PRDM14: variants seen among roughly 807,000 people sequenced by gnomAD.
The protein encoded by PRDM14 is PR/SET domain 14.
Under a neutral mutation model 48.0 loss-of-function variants are expected in PRDM14, and 16 were observed. The observed-to-expected ratio is 0.33, with a 90% CI of 0.23 to 0.51. PRDM14 has a LOEUF of 0.51. Ranked by LOEUF, PRDM14 falls within the 20% of genes least tolerant of loss-of-function variation. The pLI is 0.97. For missense variants in PRDM14, 566 were observed against 719.6 expected (o/e 0.79, Z 2.44); for synonymous variants, 264 against 276.6 (o/e 0.95, Z 0.45).
chr8:70,068,100 A>T, intron 4 of PRDM14, 130 bp downstream of exon 4: 1 of 1,027,764 alleles, frequency 9.7e-7, no homozygotes, highest in Non-Finnish European at 1.5e-6. Context: ...AGGCAACACA[A>T]ACCACAGATA....
chr8:70,058,120 G>A (rs1055773993), intron 6 of PRDM14, among the ~76,000 whole-genome samples: 3 of 152,186 alleles, frequency 2.0e-5, no homozygotes, highest in African/African-American at 4.8e-5. Flanking sequence ...CTGATTTTCT[G>A]TCTTACAAAA....
chr8:70,069,909 G>T, intron 1 of PRDM14, 25 bp from the exon 2 acceptor site: 1 of 1,433,170 alleles, frequency 7.0e-7, no homozygotes, highest in South Asian at 1.4e-5. Context: ...GCGCCGCTGA[G>T]GACACCGCGC....
chr8:70,055,811 T>G (rs1185012096), intron 6 of PRDM14, among the ~76,000 whole-genome samples: 1 of 152,162 alleles, frequency 6.6e-6, no homozygotes, highest in Non-Finnish European at 1.5e-5. Flanking sequence ...CTGAGAGAAC[T>G]CTTGCTTCAG....
chr8:70,064,669 G>A, intron 5 of PRDM14, among the ~76,000 whole-genome samples: 1 of 149,670 alleles, frequency 6.7e-6, no homozygotes, highest in East Asian at 2.0e-4. Context: ...GGACTACAGG[G>A]GCCCGCCACC....
Position 70,069,243 on chromosome 8 carries a change from C to A in PRDM14, c.618G>T (p.Leu206=), listed in dbSNP as rs752279150. 5.0e-6 allele frequency: 8 copies of A among 1,602,086 alleles called. No homozygotes were observed. The South Asian group carries it at 9.1e-5, about 18-fold the overall frequency. ...GCTCCAGGCTGGGAGTGACCCCGTA[C>A]AGAACGAAGTGCAGGTCCTCCTCCG... is the stretch of plus-strand genomic sequence containing the variant. ...QFTEEDLHFV[L]YGVTPSLEHP... is the part of the protein sequence containing the mutation. Residue 206 remains leucine (L), a synonymous_variant, in exon 2 of 8, where the codon CTG becomes CTT. Transcript: ENST00000276594.
At position 70,069,565 on chromosome 8, in the gene PRDM14, G is replaced by A. The variant is rs1474978083; in HGVS notation, c.296C>T (p.Pro99Leu). 6.2e-7 allele frequency: 1 copy of A among 1,607,376 alleles called. No individual in the cohort carries two copies. Among genetic ancestry groups the A allele is most frequent in the Non-Finnish European group, 8.5e-7 (1 of 1,177,036 alleles). The change falls in exon 2 of 8, where the codon CCA (proline) becomes CTA (leucine). Residue 99 changes from proline to leucine, a missense_variant. Physicochemically the swap from Pro to Leu is moderately conservative, Grantham distance 98 (BLOSUM62 -3). Around this residue, in one of 3 missense-constraint regions of PRDM14, gnomAD observed 410 missense variants for 424.6 expected, o/e 0.97. Coordinates refer to ENST00000276594, the MANE Select transcript of PRDM14 (RefSeq NM_024504.4). ...LYDLPWYSKL[P>L]PWYPIPHVPR... The stretch of plus-strand genomic sequence containing the variant: ...GACGTGGGGAATTGGGTACCACGGT[G>A]GCAGCTTGCTGTACCAGGGCAGATC...
chr8:70,058,046 G>A (rs1420132486), intron 6 of PRDM14, among the ~76,000 whole-genome samples: 1 of 152,166 alleles, frequency 6.6e-6, no homozygotes, highest in Non-Finnish European at 1.5e-5. Flanking sequence ...AGGGAATATT[G>A]TACTTTTTTG....
intron 5 of PRDM14, among the ~76,000 whole-genome samples, chr8:70,059,872 T>C (rs1805546518): frequency 6.6e-6 from 1 of 151,772 alleles, no homozygotes; most frequent in East Asian, 1.9e-4. Flanking sequence ...GGCAGGTGGA[T>C]CACCTGAGGT....
rs1805671603 is a variant in PRDM14, at chr8:70,066,520, A to G, written c.913-15T>C. ...TCTTCAAAGATCTAAATGAAATAAG[A>G]CATGAAGTTTGTATTGTACTTCTTT... On this transcript the variant is annotated splice_polypyrimidine_tract_variant and intron_variant, in intron 4 of 7. Coordinates refer to ENST00000276594, the MANE Select transcript of PRDM14 (RefSeq NM_024504.4). The G allele has an allele frequency of 6.2e-7, 1 of 1,603,096 alleles. No individual in the cohort carries two copies. The highest frequency in any genetic ancestry group is 1.1e-5 in the South Asian group (1 of 89,276).
rs2131045308 is a variant in PRDM14 at position 70,071,157 on chromosome 8, A to T, written c.-32T>A. 6.6e-6 allele frequency: 1 copy of T among 152,060 alleles called. No individual in the cohort carries two copies. The highest frequency in any genetic ancestry group is 1.5e-5 in the Non-Finnish European group (1 of 68,046). The allele number at this position is 152,060 out of a possible 1,614,324, so 9.4% of individuals were successfully genotyped here. ...GTCCTGTCCCGTGCCTACCTCCGAC[A>T]CCACCTCCAAGAGCGCCACCGCGGA... is the stretch of plus-strand genomic sequence containing the variant. On this transcript the variant is annotated 5_prime_UTR_variant, in exon 1 of 8. Coordinates refer to ENST00000276594, the MANE Select transcript of PRDM14 (RefSeq NM_024504.4). The surrounding 1 kb of genome is among the most constrained non-coding windows in gnomAD (Gnocchi z 5.2).
chr8:70,060,093 CA>C (rs58440571), intron 5 of PRDM14, among the ~76,000 whole-genome samples: 167 of 102,568 alleles, frequency 1.6e-3, no homozygotes, highest in Middle Eastern at 6.6e-3. Flanking sequence ...AACTCCATCT[CA>C]AAAAAAAAAA....
At chr8:70,057,020 CG>C (rs1805485646) in intron 6 of PRDM14, among the ~76,000 whole-genome samples, 1 of 149,508 alleles carries the variant, frequency 6.7e-6, no homozygotes, top group African/African-American at 2.5e-5. Context: ...GGCTGGAGTG[CG>C]GTGGCGCGAT....
At chr8:70,062,674 C>T (rs769789324) in intron 5 of PRDM14, among the ~76,000 whole-genome samples, 2 of 152,174 alleles carry the variant, frequency 1.3e-5, no homozygotes, top group Non-Finnish European at 2.9e-5. Context: ...CCATGTTTGT[C>T]ATGCTGTTCT....
chr8:70,065,140 C>T (rs1805646345), intron 5 of PRDM14, among the ~76,000 whole-genome samples: 1 of 152,104 alleles, frequency 6.6e-6, no homozygotes, highest in Non-Finnish European at 1.5e-5. Flanking sequence ...CCCATTTCGG[C>T]ATCCCAAAGT....
At position 70,058,683 on chromosome 8, in the gene PRDM14, C is replaced by T. The variant is rs1211840014; in HGVS notation, c.1343G>A (p.Arg448Gln). 7 of 1,613,910 alleles carry T rather than the reference C, an allele frequency of 4.3e-6. No individual in the cohort carries two copies. Among genetic ancestry groups the T allele is most frequent in the Admixed American group, 1.7e-5 (1 of 59,978 alleles). ...CTCATGAACATGAAGAATGTGGATC[C>T]GAAGCCGGTCCCGCTTCTCAAAGGA... The part of the protein sequence containing the change: ...KRSFEKRDRL[R>Q]IHILHVHEKH... The change falls in exon 6 of 8, where the codon CGG becomes CAG. Residue 448 changes from arginine to glutamine, a missense_variant. Coordinates refer to ENST00000276594, the MANE Select transcript of PRDM14 (RefSeq NM_024504.4).
At chr8:70,056,392 T>C (rs1343959877) in intron 6 of PRDM14, among the ~76,000 whole-genome samples, 1 of 152,232 alleles carries the variant, frequency 6.6e-6, no homozygotes, top group Non-Finnish European at 1.5e-5. Flanking sequence ...ACAATTTTTC[T>C]CTGAGAAAGG....
intron 2 of PRDM14, 139 bp from the exon 3 acceptor site, chr8:70,068,671 C>T: frequency 1.4e-6 from 1 of 740,064 alleles, no homozygotes; most frequent in Admixed American, 2.3e-5. Context: ...TTTTTCCCTG[C>T]TCATTTTACA....
At chr8:70,065,106 T>TA (rs2131041200) in intron 5 of PRDM14, among the ~76,000 whole-genome samples, 1 of 152,076 alleles carries the variant, frequency 6.6e-6, no homozygotes, top group South Asian at 2.1e-4. Context: ...CAGGATGGTC[T>TA]TGATCTCCTG....
chr8:70,064,878 TTCTC>T (rs1189570197), intron 5 of PRDM14, among the ~76,000 whole-genome samples: 14 of 149,814 alleles, frequency 9.3e-5, no homozygotes, highest in African/African-American at 2.0e-4. Flanking sequence ...ATAATTTGCC[TTCTC>T]TCTCTCTCTT....
Sources: allele counts gnomAD v4.1 joint callset (sites outside exome capture counted in the v4.1 genomes callset), GRCh38; gene constraint gnomAD v4.1.1; regional missense constraint gnomAD v4.1.1; non-coding constraint Gnocchi (gnomAD v3.1); transcripts MANE v1.5; gene names NCBI Gene and HGNC (gene_info 2026-07-23, HGNC 2026-07-21).